Variants in LHFPL3 observed in about 807,000 individuals in gnomAD.
LHFPL3 encodes LHFPL tetraspan subfamily member 3.
LHFPL3 carries 5 observed loss-of-function variants against 19.3 expected under a neutral mutation model. The ratio of observed to expected loss-of-function variants is 0.26; its 90% CI spans 0.14 to 0.54. The LOEUF is 0.54. Among genes scored for constraint, LHFPL3 ranks in the 20% least tolerant of loss-of-function variants. The pLI, the probability that LHFPL3 is intolerant of heterozygous loss-of-function variation, is 0.94. For synonymous variants in LHFPL3, 133 were observed against 126.2 expected (o/e 1.05, Z -0.36); for missense variants, 249 against 307.4 (o/e 0.81, Z 1.42).
At chr7:104,711,386 A>T (rs546964499) in intron 1 of LHFPL3, among the ~76,000 whole-genome samples, 3 of 152,344 alleles carry the variant, frequency 2.0e-5, no homozygotes, top group Non-Finnish European at 4.4e-5. Flanking sequence ...CAAGACTGGG[A>T]TTAGTCAAGT....
intron 1 of LHFPL3, among the ~76,000 whole-genome samples, chr7:104,524,403 A>G (rs532956777): frequency 2.0e-5 from 3 of 152,298 alleles, no homozygotes; most frequent in Admixed American, 1.3e-4. Context: ...ATAGGAAGCC[A>G]CTTTGCTTCC....
chr7:104,810,380 A>G (rs946118371), intron 2 of LHFPL3, among the ~76,000 whole-genome samples: 5 of 152,198 alleles, frequency 3.3e-5, no homozygotes, highest in Non-Finnish European at 7.3e-5. Context: ...AAAGGCTGCA[A>G]GGAATAGCCC....
At chr7:104,750,317 T>G (rs935711748) in intron 2 of LHFPL3, among the ~76,000 whole-genome samples, 1 of 152,226 alleles carries the variant, frequency 6.6e-6, no homozygotes, top group Non-Finnish European at 1.5e-5. Context: ...CACACAGGTC[T>G]GTTCTCTGAG....
At chr7:104,532,318 CTTT>C (rs71155504) in intron 1 of LHFPL3, among the ~76,000 whole-genome samples, 92 of 87,218 alleles carry the variant, frequency 1.1e-3, no homozygotes, top group African/African-American at 3.8e-3. Context: ...TTCTTTCTGT[CTTT>C]TTTTTTTTTT....
At chr7:104,371,172 A>G (rs1353466671) in intron 1 of LHFPL3, among the ~76,000 whole-genome samples, 2 of 152,162 alleles carry the variant, frequency 1.3e-5, no homozygotes, top group African/African-American at 4.8e-5. Context: ...CATAGACTCT[A>G]CTTAGATAGT....
intron 1 of LHFPL3, among the ~76,000 whole-genome samples, chr7:104,694,820 G>A (rs1792968571): frequency 6.6e-6 from 1 of 152,240 alleles, no homozygotes; most frequent in African/African-American, 2.4e-5. Context: ...AGCAAGAAGG[G>A]TCTGTCTGCA....
At chr7:104,780,652 T>C (rs1794702523) in intron 2 of LHFPL3, among the ~76,000 whole-genome samples, 2 of 152,122 alleles carry the variant, frequency 1.3e-5, no homozygotes, top group Non-Finnish European at 2.9e-5. Flanking sequence ...GCTCACTTTC[T>C]AAACACTTTG....
chr7:104,736,636 CT>C (rs1562977141), intron 1 of LHFPL3, 38 bp from the exon 2 acceptor site: 3 of 1,360,722 alleles, frequency 2.2e-6, no homozygotes, highest in African/African-American at 2.9e-5. Flanking sequence ...ATTGACTTAT[CT>C]TTTTTGTTTC....
intron 1 of LHFPL3, among the ~76,000 whole-genome samples, chr7:104,517,048 G>C (rs1051755023): frequency 6.6e-6 from 1 of 152,076 alleles, no homozygotes; most frequent in Non-Finnish European, 1.5e-5. Context: ...AGGAACAAAA[G>C]ATTAAATGCC....
chr7:104,415,897 C>G (rs1380112216), intron 1 of LHFPL3, among the ~76,000 whole-genome samples: 1 of 152,186 alleles, frequency 6.6e-6, no homozygotes, highest in African/African-American at 2.4e-5. Context: ...AAGGACGTCT[C>G]ACTGCTGCCA....
intron 1 of LHFPL3, among the ~76,000 whole-genome samples, chr7:104,401,127 G>A (rs1445249793): frequency 2.0e-5 from 3 of 152,176 alleles, no homozygotes; most frequent in Non-Finnish European, 2.9e-5. Flanking sequence ...TCCCTATTTT[G>A]TAATGGGAAG....
At chr7:104,810,252 T>C (rs1790439191) in intron 2 of LHFPL3, among the ~76,000 whole-genome samples, 1 of 152,052 alleles carries the variant, frequency 6.6e-6, no homozygotes, top group Non-Finnish European at 1.5e-5. Context: ...CCGGACTTCA[T>C]CCAAGGGCAA....
chr7:104,656,780 C>A (rs1471304556), intron 1 of LHFPL3, among the ~76,000 whole-genome samples: 1 of 152,214 alleles, frequency 6.6e-6, no homozygotes, highest in Non-Finnish European at 1.5e-5. Context: ...GATTATAAGA[C>A]CATTTGCAAA....
intron 1 of LHFPL3, among the ~76,000 whole-genome samples, chr7:104,680,082 C>T (rs149955011): frequency 2.4e-4 from 37 of 152,270 alleles, no homozygotes; most frequent in African/African-American, 8.2e-4. Context: ...CTTCTCAAAC[C>T]TAACATGTTC....
chr7:104,623,133 TTTA>T (rs1326370696), intron 1 of LHFPL3: 1 of 203,484 alleles, frequency 4.9e-6, no homozygotes, highest in Non-Finnish European at 1.1e-5. Flanking sequence ...TTATTTGATT[TTTA>T]TTATTGACTT....
chr7:104,463,862 CA>C (rs760976440), intron 1 of LHFPL3, among the ~76,000 whole-genome samples: 3 of 152,150 alleles, frequency 2.0e-5, no homozygotes, highest in Non-Finnish European at 4.4e-5. Flanking sequence ...TGTCCGTCCC[CA>C]GCCCTTCCCA....
chr7:104,770,762 A>G (rs1043444015), intron 2 of LHFPL3, among the ~76,000 whole-genome samples: 4 of 152,188 alleles, frequency 2.6e-5, no homozygotes, highest in Non-Finnish European at 5.9e-5. Flanking sequence ...AGTCATCTGA[A>G]GCAAAACCAG....
intron 1 of LHFPL3, among the ~76,000 whole-genome samples, chr7:104,377,278 A>G (rs890925965): frequency 6.6e-6 from 1 of 152,230 alleles, no homozygotes; most frequent in South Asian, 2.1e-4. Context: ...GAAATGCATC[A>G]TGGTGCTATA....
At chr7:104,496,340 G>A (rs944690264) in intron 1 of LHFPL3, among the ~76,000 whole-genome samples, 2 of 152,288 alleles carry the variant, frequency 1.3e-5, no homozygotes, top group African/African-American at 4.8e-5. Flanking sequence ...TGGTGTATAT[G>A]TGCCACATTT....
Sources: allele counts gnomAD v4.1 joint callset (sites outside exome capture counted in the v4.1 genomes callset), GRCh38; gene constraint gnomAD v4.1.1; transcripts MANE v1.5; gene names NCBI Gene and HGNC (gene_info 2026-07-23, HGNC 2026-07-21).